RDM1: variants seen among roughly 807,000 people sequenced by gnomAD.
RDM1 encodes the protein RAD52 motif-containing protein 1.
Under a neutral mutation model 27.7 loss-of-function variants are expected in RDM1, and 28 were observed. The ratio of observed to expected loss-of-function variants is 1.01; its 90% CI spans 0.75 to 1.39. The LOEUF (loss-of-function observed/expected upper bound fraction) is 1.39. Among genes scored for constraint, RDM1 ranks in the 40% most tolerant of loss-of-function variants. RDM1 has a pLI of 0.00. For missense variants in RDM1, 277 were observed against 337.3 expected (o/e 0.82, Z 1.40); for synonymous variants, 124 against 127.5 (o/e 0.97, Z 0.19).
intron 2 of RDM1, 50 bp from the exon 3 acceptor site, chr17:35,925,687 T>C (rs781724085): frequency 1.3e-6 from 2 of 1,564,972 alleles, no homozygotes; most frequent in Non-Finnish European, 1.7e-6. Flanking sequence ...CTAGAGATTT[T>C]ATTTTGGATA....
intron 2 of RDM1, among the ~76,000 whole-genome samples, chr17:35,925,938 TC>T (rs2089132007): frequency 1.3e-5 from 2 of 152,098 alleles, no homozygotes; most frequent in South Asian, 4.2e-4. Context: ...ATCGAGACCA[TC>T]CTGGCTAACA....
In RDM1 at chr17:35,922,491, A is replaced by C. The variant is rs181670460; in HGVS notation, c.667+86T>G. The C allele has an allele frequency of 4.0e-5, 61 of 1,531,606 alleles. No individual in the cohort carries two copies. The East Asian group carries it at 1.3e-3, about 34-fold the overall frequency. 94.9% of individuals were successfully genotyped at this position (1,531,606 alleles called of 1,614,324 possible). A position where few individuals can be genotyped will look rare whatever the true frequency, so the allele number is the denominator to read the frequency against. ...CATACTATAGAGTGCTTTAGATATC[A>C]ATATTTTTATTCAATTAACTTTTCA... is the stretch of plus-strand genomic sequence containing the variant. On this transcript the variant is annotated intron_variant, in intron 5 of 6. Transcript: ENST00000620284.
intron 6 of RDM1, 92 bp from the exon 7 acceptor site, chr17:35,918,535 T>C: frequency 3.0e-6 from 3 of 1,008,188 alleles, no homozygotes; most frequent in South Asian, 1.3e-5. Flanking sequence ...ACTTTCCATA[T>C]CCTTTGTTGC....
chr17:35,930,339 C>T (rs999659398), intron 1 of RDM1, 84 bp from the exon 2 acceptor site: 11 of 1,557,266 alleles, frequency 7.1e-6, no homozygotes, highest in Non-Finnish European at 9.7e-6. Context: ...CCAAACCTCT[C>T]TTCGCGAAGG....
intron 6 of RDM1, among the ~76,000 whole-genome samples, chr17:35,919,824 C>T (rs1330823274): frequency 6.6e-6 from 1 of 152,190 alleles, no homozygotes; most frequent in Non-Finnish European, 1.5e-5. Context: ...GTAGCACGAT[C>T]ATTCTTAAGG....
Position 35,924,877 on chromosome 17 carries a change from T to G in RDM1, c.400-105A>C, listed in dbSNP as rs553870459. On this transcript the variant is annotated intron_variant, in intron 3 of 6. Coordinates refer to ENST00000620284, the MANE Select transcript of RDM1 (RefSeq NM_145654.4). ...TTGGCTGGGCGTGGTGGTTCACGCC[T>G]GTAATCCCAGTACTTTGGGAGGCCG... 41 of 1,100,080 alleles carry G rather than the reference T, an allele frequency of 3.7e-5. No homozygotes were observed. The African/African-American group carries it at 4.5e-4, about 12-fold the overall frequency. The allele number at this position is 1,100,080 out of a possible 1,614,324, so 68.1% of individuals were successfully genotyped here. A position where few individuals can be genotyped will look rare whatever the true frequency, so the allele number is the denominator to read the frequency against.
rs78338352 is a variant in RDM1 at position 35,919,676 on chromosome 17, C to T, written c.753+511G>A. On this transcript the variant is annotated intron_variant, in intron 6 of 6. Coordinates refer to ENST00000620284, the MANE Select transcript of RDM1 (RefSeq NM_145654.4). ...ATCATATATGTGGTCTATTGTTGAC[C>T]GAAACATCATTTTGTAGCACATGAT... Among the ~76,000 whole-genome samples the T allele has an allele frequency of 5.3e-5, 8 of 152,146 alleles. No homozygotes were observed. The South Asian group carries it at 8.3e-4, about 16-fold the overall frequency.
rs759162436 is a variant in RDM1 at position 35,930,743 on chromosome 17, C to T, written c.-16G>A. 1.9e-6 allele frequency: 3 copies of T among 1,611,592 alleles called. No homozygotes were observed. Among genetic ancestry groups the T allele is most frequent in the East Asian group, 2.2e-5 (1 of 44,792 alleles). ...ACTCCGCCATCCTCCCTTCACCGCACCTGCGCGGCTAACCCTCGCCCCAGC... is the reference window on the plus strand; with the variant it reads ...ACTCCGCCATCCTCCCTTCACCGCATCTGCGCGGCTAACCCTCGCCCCAGC... On this transcript the variant is annotated 5_prime_UTR_variant, in exon 1 of 7. It adds an upstream start codon to the 5' untranslated region. Transcript: ENST00000620284.
In RDM1 at chr17:35,918,484, C is replaced by T. The variant is rs773979068; in HGVS notation, c.754-41G>A. The T allele has an allele frequency of 2.7e-6, 4 of 1,493,164 alleles. No homozygotes were observed. In the Admixed American group the frequency reaches 6.7e-5, roughly 25 times the overall value. 92.5% of individuals were successfully genotyped at this position (1,493,164 alleles called of 1,614,324 possible). ...TAGTTAGGGTGGCAGGCAGAACGCA[C>T]ATTACGGTCATTCATTCCAAAATGT... On this transcript the variant is annotated intron_variant, in intron 6 of 6. Coordinates refer to ENST00000620284, the MANE Select transcript of RDM1 (RefSeq NM_145654.4).
chr17:35,927,276 C>T (rs912910232), intron 2 of RDM1, among the ~76,000 whole-genome samples: 2 of 151,944 alleles, frequency 1.3e-5, no homozygotes, highest in Admixed American at 6.6e-5. Context: ...CTTGTTTCTA[C>T]CAAAAATACA....
At chr17:35,925,027 G>A (rs1279163088) in intron 3 of RDM1, among the ~76,000 whole-genome samples, 9 of 152,084 alleles carry the variant, frequency 5.9e-5, no homozygotes, top group Admixed American at 5.9e-4. Flanking sequence ...CCAGCTACTT[G>A]GGAGGCTGAG....
Position 35,930,255 on chromosome 17 carries a change from G to C in RDM1, c.97C>G (p.His33Asp). ...TGAGAAAATGCTGTGAACAGAGAAT[G>C]CTGTGGGGGTGGGACAAGTAAATGC... ...SSGPTAEALH[H>D]SLFTAFSQFG... Residue 33 changes from histidine (H) to aspartate (D), a missense_variant and splice_region_variant, in exon 2 of 7, where the codon CAT becomes GAT. Physicochemically the swap from His to Asp is moderately conservative, Grantham distance 81 (BLOSUM62 -1). Coordinates refer to ENST00000620284, the MANE Select transcript of RDM1 (RefSeq NM_145654.4). The C allele has an allele frequency of 1.2e-6, 2 of 1,614,132 alleles. No individual in the cohort carries two copies. Among genetic ancestry groups the C allele is most frequent in the Non-Finnish European group, 1.7e-6 (2 of 1,180,024 alleles).
rs909798317 is a variant in RDM1 at position 35,924,773 on chromosome 17, C to T, written c.400-1G>A. On this transcript the variant is annotated splice_acceptor_variant, in intron 3 of 6. Transcript: ENST00000620284. LOFTEE classifies it high-confidence loss of function. Reference sequence around the variant, plus strand: ...CTTCAAGGTCAGAAAGCTCCTGAAGCTGTAAGGATATTTAATGTAAGGTCC... The same window carrying T: ...CTTCAAGGTCAGAAAGCTCCTGAAGTTGTAAGGATATTTAATGTAAGGTCC... 2.5e-6 allele frequency: 4 copies of T among 1,613,242 alleles called. No individual in the cohort carries two copies. Among genetic ancestry groups the T allele is most frequent in the Admixed American group, 3.3e-5 (2 of 59,948 alleles).
chr17:35,924,681 T>C lies in RDM1; in HGVS notation c.491A>G (p.Glu164Gly). The change falls in exon 4 of 7, where the codon GAA becomes GGA. Residue 164 changes from glutamate (E) to glycine (G), a missense_variant. Coordinates refer to ENST00000620284, the MANE Select transcript of RDM1 (RefSeq NM_145654.4). ...KQSLKFFCALEVVLPSCDCRS... is the reference protein window; with the variant it reads ...KQSLKFFCALGVVLPSCDCRS... ...GCAATCACAGGATGGCAACACCACT[T>C]CTAAAGCACAGAAGAACTTCAGGCT... is the stretch of plus-strand genomic sequence containing the variant. 6.2e-7 allele frequency: 1 copy of C among 1,614,162 alleles called. No homozygotes were observed. Among genetic ancestry groups the C allele is most frequent in the Non-Finnish European group, 8.5e-7 (1 of 1,180,016 alleles).
In RDM1 at chr17:35,918,284, G is replaced by C; in HGVS notation, c.*58C>G. 6.8e-7 allele frequency: 1 copy of C among 1,469,098 alleles called. No homozygotes were observed. The highest frequency in any genetic ancestry group is 9.5e-7 in the Non-Finnish European group (1 of 1,052,550). 91.0% of individuals were successfully genotyped at this position (1,469,098 alleles called of 1,614,324 possible). On this transcript the variant is annotated 3_prime_UTR_variant, in exon 7 of 7. Transcript: ENST00000620284. The stretch of plus-strand genomic sequence containing the variant: ...TAGTGGTGGGGCGGCGTGGGGTAGG[G>C]GCACGACAGAGCTTCCCAAGGAAGT...
chr17:35,930,476 T>C (rs1370871003), intron 1 of RDM1, 156 bp downstream of exon 1: 7 of 885,590 alleles, frequency 7.9e-6, no homozygotes, highest in Admixed American at 5.6e-5. Context: ...TAAAAATCTG[T>C]TGGGGGTCGT....
chr17:35,930,047 G>A (rs763313114), intron 2 of RDM1, 29 bp downstream of exon 2: 4 of 1,582,678 alleles, frequency 2.5e-6, no homozygotes, highest in East Asian at 2.2e-5. Flanking sequence ...TCATTTCAGC[G>A]GAGCTAGGAA....
chr17:35,928,320 T>A (rs2089218952), intron 2 of RDM1, among the ~76,000 whole-genome samples: 1 of 152,202 alleles, frequency 6.6e-6, no homozygotes, highest in African/African-American at 2.4e-5. Flanking sequence ...AATGTTCCCA[T>A]CCTCTCAGAA....
Position 35,930,689 on chromosome 17 carries a change from A to T in RDM1, c.39T>A (p.Ser13Arg). ...GCTCCCACACTAGCAAGGTTTTGTC[A>T]CTCTCGATGGGAACCGCAAAAGGTA... is the stretch of plus-strand genomic sequence containing the variant. ...ELVPFAVPIESDKTLLVWELS... is the reference protein window; with the variant it reads ...ELVPFAVPIERDKTLLVWELS... Residue 13 changes from serine (S) to arginine (R), a missense_variant, in exon 1 of 7, where the codon AGT becomes AGA. Coordinates refer to ENST00000620284, the MANE Select transcript of RDM1 (RefSeq NM_145654.4). 6.2e-7 allele frequency: 1 copy of T among 1,605,090 alleles called. No individual in the cohort carries two copies.
Sources: gnomAD v4.1 joint callset for allele counts (sites outside exome capture counted in the v4.1 genomes callset) on GRCh38, gnomAD v4.1.1 for gene constraint, MANE v1.5 for transcripts, NCBI Gene and HGNC (gene_info 2026-07-23, HGNC 2026-07-21) for gene names.